Variants in SYMPK observed in about 807,000 individuals in gnomAD.
The protein encoded by SYMPK is symplekin.
Under a neutral mutation model 136.4 loss-of-function variants are expected in SYMPK, and 49 were observed. The ratio of observed to expected loss-of-function variants is 0.36; its 90% CI spans 0.29 to 0.46. The LOEUF (loss-of-function observed/expected upper bound fraction) is 0.46. Ranked by LOEUF, SYMPK falls within the 20% of genes least tolerant of loss-of-function variation. The probability of loss-of-function intolerance (pLI) is 1.00; values close to 1 mark genes in which losing one functional copy is unlikely to be tolerated. For missense variants in SYMPK, 1,365 were observed against 1,690.0 expected (o/e 0.81, Z 3.37); for synonymous variants, 766 against 713.0 (o/e 1.07, Z -1.19).
intron 9 of SYMPK, among the ~76,000 whole-genome samples, chr19:45,841,551 C>T (rs1018762416): frequency 2.6e-5 from 4 of 152,142 alleles, no homozygotes; most frequent in Non-Finnish European, 4.4e-5. Context: ...CCTTGGCCTC[C>T]CAAAGTGCTG....
At chr19:45,824,751 A>G (rs1214702146) in intron 18 of SYMPK, among the ~76,000 whole-genome samples, 1 of 152,156 alleles carries the variant, frequency 6.6e-6, no homozygotes, top group Non-Finnish European at 1.5e-5. Flanking sequence ...AGGGGCAGGA[A>G]GGACTTATGT....
intron 11 of SYMPK, 86 bp from the exon 12 acceptor site, chr19:45,831,674 T>A: frequency 1.7e-6 from 2 of 1,172,752 alleles, no homozygotes; most frequent in Non-Finnish European, 2.4e-6. Context: ...GGCTCTGTTC[T>A]GAGCCCTGTA....
At chr19:45,857,650 C>CG (rs1448052424) in intron 1 of SYMPK, among the ~76,000 whole-genome samples, 1 of 151,144 alleles carries the variant, frequency 6.6e-6, no homozygotes, top group Non-Finnish European at 1.5e-5. Flanking sequence ...TGCCACCACG[C>CG]CCGGCTAATT....
chr19:45,831,282 TAC>T (rs67226135), intron 12 of SYMPK, 100 bp downstream of exon 12: 125 of 675,000 alleles, frequency 1.9e-4, no homozygotes, highest in South Asian at 6.6e-4. Flanking sequence ...GCATCTCAGT[TAC>T]ACACACACAC....
chr19:45,845,557 C>A (rs972042975), intron 7 of SYMPK, among the ~76,000 whole-genome samples: 1 of 152,120 alleles, frequency 6.6e-6, no homozygotes, highest in South Asian at 2.1e-4. Flanking sequence ...GAATAGTATT[C>A]AATTGTGTAT....
chr19:45,831,105 T>TAA (rs1971158809), intron 12 of SYMPK: 2 of 295,854 alleles, frequency 6.8e-6, no homozygotes, highest in Non-Finnish European at 1.2e-5. Context: ...CGAACTAATT[T>TAA]AATTCTTCTT....
intron 17 of SYMPK, 66 bp from the exon 18 acceptor site, chr19:45,825,397 A>G: frequency 6.4e-7 from 1 of 1,554,962 alleles, no homozygotes; most frequent in Non-Finnish European, 8.7e-7. Context: ...GACCCTCAGG[A>G]ATGTCCCTTC....
At chr19:45,840,082 G>A (rs1295347761) in intron 9 of SYMPK, among the ~76,000 whole-genome samples, 1 of 152,028 alleles carries the variant, frequency 6.6e-6, no homozygotes, top group African/African-American at 2.4e-5. Context: ...ATCACCTGAG[G>A]CGGGTGGATT....
In SYMPK at chr19:45,835,066, G is replaced by A. The variant is rs1443327561; in HGVS notation, c.1393+12C>T. 4.4e-6 allele frequency: 7 copies of A among 1,578,334 alleles called. No homozygotes were observed. In the South Asian group the frequency reaches 7.0e-5, roughly 16 times the overall value. Reference sequence around the variant, plus strand: ...CAATCCCTGGCCCAGGTTAGGGCCAGGACACACTCACCTGGTCCCAGTCCG... The same window carrying A: ...CAATCCCTGGCCCAGGTTAGGGCCAAGACACACTCACCTGGTCCCAGTCCG... On this transcript the variant is annotated intron_variant, in intron 11 of 26. Transcript: ENST00000245934.
chr19:45,831,166 AG>A (rs1368576273), intron 12 of SYMPK: 2 of 364,312 alleles, frequency 5.5e-6, no homozygotes, highest in African/African-American at 2.6e-5. Flanking sequence ...GACATAAAAA[AG>A]GATTTTTTTT....
intron 21 of SYMPK, among the ~76,000 whole-genome samples, chr19:45,822,275 C>T (rs897928737): frequency 7.9e-5 from 12 of 152,074 alleles, no homozygotes; most frequent in Admixed American, 2.6e-4. Flanking sequence ...CCCGCCACCA[C>T]GCCTGGCTAA....
Position 45,854,226 on chromosome 19 carries a change from C to T in SYMPK, c.120G>A (p.Leu40=), listed in dbSNP as rs754959362. 7 of 1,614,160 alleles carry T rather than the reference C, an allele frequency of 4.3e-6. No homozygotes were observed. The East Asian group carries it at 8.9e-5, about 21-fold the overall frequency. Residue 40 remains leucine, a synonymous_variant, in exon 3 of 27, where the codon CTG becomes CTA. Coordinates refer to ENST00000245934, the MANE Select transcript of SYMPK (RefSeq NM_004819.3). ...CATTGGTGATCAGCGCCGCCTGGTTCAGAAGATCCACCACCTGGAAGGAGG... is the reference window on the plus strand; with the variant it reads ...CATTGGTGATCAGCGCCGCCTGGTTTAGAAGATCCACCACCTGGAAGGAGG... The part of the protein sequence containing the change: ...MTTSERVVDL[L]NQAALITNDS...
At chr19:45,818,804 C>T (rs1271817815) in intron 22 of SYMPK, 1 of 152,358 alleles carries the variant, frequency 6.6e-6, no homozygotes, top group Admixed American at 6.5e-5. Flanking sequence ...AAGGCAGGCC[C>T]TGGGGTCTGT....
chr19:45,833,532 G>T (rs913598540), intron 11 of SYMPK, among the ~76,000 whole-genome samples: 7 of 151,746 alleles, frequency 4.6e-5, no homozygotes, highest in African/African-American at 1.5e-4. Flanking sequence ...AACCCAGGAG[G>T]TGGAGCTTGC....
At chr19:45,838,753 C>T in intron 9 of SYMPK, 138 bp from the exon 10 acceptor site, 1 of 977,012 alleles carries the variant, frequency 1.0e-6, no homozygotes, top group Admixed American at 2.8e-5. Context: ...ATCCAGGCTG[C>T]AGCTCTGCCT....
At chr19:45,862,008 C>T (rs1971978462) in intron 1 of SYMPK, 1 of 150,114 alleles carries the variant, frequency 6.7e-6, no homozygotes, top group Admixed American at 6.6e-5. Context: ...TCGTGCCAGC[C>T]TGGGCGACAG....
rs372937364 is a variant in SYMPK, at chr19:45,818,117, C to T, written c.2923G>A (p.Val975Met). Residue 975 changes from valine (V) to methionine (M), a missense_variant, in exon 23 of 27, where the codon GTG becomes ATG. Transcript: ENST00000245934. ...ACGGCCAGCACCTCTGACGTGTACA[C>T]GTTCCGCTCCGCAAAGCACAGGTTG... is the stretch of plus-strand genomic sequence containing the variant. ...ATNLCFAERN[V>M]YTSEVLAVVM... The T allele has an allele frequency of 5.8e-6, 9 of 1,553,012 alleles. No homozygotes were observed. Among genetic ancestry groups the T allele is most frequent in the African/African-American group, 1.4e-5 (1 of 73,188 alleles).
At chr19:45,818,456 C>T (rs1970807823) in intron 22 of SYMPK, among the ~76,000 whole-genome samples, 1 of 152,138 alleles carries the variant, frequency 6.6e-6, no homozygotes. Context: ...TTGCCAAGCC[C>T]TGGGGGAGTG....
intron 22 of SYMPK, among the ~76,000 whole-genome samples, chr19:45,818,572 A>G (rs1464426811): frequency 6.6e-6 from 1 of 152,206 alleles, no homozygotes; most frequent in Non-Finnish European, 1.5e-5. Flanking sequence ...GGGCCAAGGG[A>G]CTGCCCACCC....
Sources: gnomAD v4.1 joint callset for allele counts (sites outside exome capture counted in the v4.1 genomes callset) on GRCh38, gnomAD v4.1.1 for gene constraint, MANE v1.5 for transcripts, NCBI Gene and HGNC (gene_info 2026-07-23, HGNC 2026-07-21) for gene names.